Variants in TAF4B observed in about 807,000 individuals in gnomAD.
TAF4B encodes transcription initiation factor TFIID subunit 4B.
A neutral mutation model predicts 86.4 loss-of-function variants in TAF4B; 38 were observed. The ratio of observed to expected loss-of-function variants is 0.44; its 90% CI spans 0.34 to 0.58. TAF4B has a LOEUF of 0.58. Among genes scored for constraint, TAF4B ranks in the 20% least tolerant of loss-of-function variants. TAF4B has a pLI of 0.02. For synonymous variants in TAF4B, 388 were observed against 391.2 expected, an observed-to-expected ratio of 0.99 and a Z score of 0.10; for missense variants, 988 against 1,027.6, an observed-to-expected ratio of 0.96 and a Z score of 0.53.
At chr18:26,271,727 C>T (rs756695613) in intron 3 of TAF4B, among the ~76,000 whole-genome samples, 6 of 151,990 alleles carry the variant, frequency 3.9e-5, no homozygotes, top group Non-Finnish European at 7.4e-5. Flanking sequence ...AGTTTGAGAC[C>T]AGCTTGGCCA....
intron 14 of TAF4B, among the ~76,000 whole-genome samples, chr18:26,389,037 C>T (rs1227702947): frequency 1.3e-5 from 2 of 152,050 alleles, no homozygotes; most frequent in Admixed American, 6.5e-5. Flanking sequence ...GTCTCAAACT[C>T]CTGACCTCAG....
At chr18:26,236,858 C>T (rs1342229122) in intron 1 of TAF4B, among the ~76,000 whole-genome samples, 2 of 152,178 alleles carry the variant, frequency 1.3e-5, no homozygotes, top group Non-Finnish European at 2.9e-5. Flanking sequence ...AGAGCTTTCT[C>T]CTGATATCTG....
intron 10 of TAF4B, among the ~76,000 whole-genome samples, chr18:26,320,597 G>A (rs1387307995): frequency 6.6e-6 from 1 of 152,098 alleles, no homozygotes; most frequent in Non-Finnish European, 1.5e-5. Flanking sequence ...TAGACAAAAG[G>A]AATATAGGTA....
rs184440760 is a variant in TAF4B at position 26,338,721 on chromosome 18, T to A, written c.2316+3490T>A. ...TTGAACTCCCGACGTCAGGTGATCC[T>A]CCTGCCTCGGCCTCCCAAAGTGCTG... On this transcript the variant is annotated intron_variant, in intron 13 of 14. Coordinates refer to ENST00000269142, the MANE Select transcript of TAF4B (RefSeq NM_005640.3). 4.3e-3 allele frequency among the ~76,000 whole-genome samples: 655 copies of A among 152,088 alleles called. 3 individuals are homozygous for A. Among genetic ancestry groups the A allele is most frequent in the African/African-American group, 0.015 (625 of 41,506 alleles).
intron 13 of TAF4B, among the ~76,000 whole-genome samples, chr18:26,356,586 G>A (rs1446324759): frequency 6.6e-6 from 1 of 152,054 alleles, no homozygotes; most frequent in East Asian, 1.9e-4. Flanking sequence ...ACATGTATAG[G>A]GTTTCTCAAC....
At chr18:26,346,837 GTGTGTGTGTATATATATATA>G (rs2057194859) in intron 13 of TAF4B, among the ~76,000 whole-genome samples, 2 of 6,742 alleles carry the variant, frequency 3.0e-4, no homozygotes, top group Non-Finnish European at 8.6e-4. Context: ...ATATATATAT[GTGTGTGTGTATATATATATA>G]TGTGTATATA....
At chr18:26,311,279 A>C (rs1360442874) in intron 9 of TAF4B, among the ~76,000 whole-genome samples, 1 of 152,212 alleles carries the variant, frequency 6.6e-6, no homozygotes, top group Non-Finnish European at 1.5e-5. Flanking sequence ...CAGCATTTCT[A>C]AAGTAGGCAT....
At chr18:26,366,650 A>G (rs956143395) in intron 14 of TAF4B, among the ~76,000 whole-genome samples, 1 of 152,196 alleles carries the variant, frequency 6.6e-6, no homozygotes, top group African/African-American at 2.4e-5. Flanking sequence ...AGAGAAGAGT[A>G]TTTTTCCCTT....
At chr18:26,241,494 G>T (rs1374652867) in intron 1 of TAF4B, among the ~76,000 whole-genome samples, 2 of 151,918 alleles carry the variant, frequency 1.3e-5, no homozygotes, top group African/African-American at 4.8e-5. Flanking sequence ...TATTAGTCTT[G>T]CTAGCGGACT....
intron 1 of TAF4B, among the ~76,000 whole-genome samples, chr18:26,237,675 A>G (rs1484896107): frequency 6.6e-6 from 1 of 152,176 alleles, no homozygotes; most frequent in East Asian, 1.9e-4. Flanking sequence ...CAATGAAAAG[A>G]AAGCTTGGAC....
At chr18:26,346,881 A>G (rs1275848343) in intron 13 of TAF4B, among the ~76,000 whole-genome samples, 482 of 7,976 alleles carry the variant, frequency 0.06, 104 homozygotes, top group South Asian at 0.27. Context: ...ATATGTGTAT[A>G]TATATATATA....
At chr18:26,301,448 A>G (rs1020443615) in intron 9 of TAF4B, among the ~76,000 whole-genome samples, 2 of 150,964 alleles carry the variant, frequency 1.3e-5, no homozygotes, top group African/African-American at 2.4e-5. Flanking sequence ...CACTATGCCT[A>G]GCTAGCTTTT....
intron 3 of TAF4B, among the ~76,000 whole-genome samples, chr18:26,271,976 A>T (rs2056324874): frequency 6.9e-6 from 1 of 144,214 alleles, no homozygotes; most frequent in Non-Finnish European, 1.6e-5. Context: ...AATGGAATTT[A>T]TTAGGCGAAA....
intron 13 of TAF4B, among the ~76,000 whole-genome samples, chr18:26,338,180 G>A (rs1474788254): frequency 6.6e-6 from 1 of 152,038 alleles, no homozygotes; most frequent in African/African-American, 2.4e-5. Flanking sequence ...AGGTGTAGTG[G>A]CTTACACCTG....
At chr18:26,337,034 T>G (rs1006079605) in intron 13 of TAF4B, among the ~76,000 whole-genome samples, 24 of 152,232 alleles carry the variant, frequency 1.6e-4, no homozygotes, top group Non-Finnish European at 1.8e-4. Flanking sequence ...AAAATGCCTC[T>G]GTTAATGAGA....
intron 1 of TAF4B, among the ~76,000 whole-genome samples, chr18:26,249,685 A>G (rs149772622): frequency 2.0e-4 from 30 of 152,314 alleles, no homozygotes; most frequent in Non-Finnish European, 4.3e-4. Flanking sequence ...TTATCATTAT[A>G]TGGTGACAAT....
chr18:26,305,371 A>C (rs2056783371), intron 9 of TAF4B, among the ~76,000 whole-genome samples: 1 of 152,174 alleles, frequency 6.6e-6, no homozygotes, highest in South Asian at 2.1e-4. Flanking sequence ...CCCATTTAAA[A>C]AAGGGCAAAT....
intron 11 of TAF4B, among the ~76,000 whole-genome samples, chr18:26,325,849 G>A (rs564569475): frequency 6.6e-6 from 1 of 152,270 alleles, no homozygotes; most frequent in South Asian, 2.1e-4. Context: ...AGTAAAATAA[G>A]TAGCACTAAT....
chr18:26,283,481 A>G (rs1330428558), intron 6 of TAF4B, among the ~76,000 whole-genome samples: 2 of 152,014 alleles, frequency 1.3e-5, no homozygotes, highest in Non-Finnish European at 2.9e-5. Context: ...TAAAATATTC[A>G]GTAAACCATG....
Sources: allele counts gnomAD v4.1 joint callset (sites outside exome capture counted in the v4.1 genomes callset), GRCh38; gene constraint gnomAD v4.1.1; transcripts MANE v1.5; gene names NCBI Gene and HGNC (gene_info 2026-07-23, HGNC 2026-07-21).